CNTNAP2: variants seen among roughly 807,000 people sequenced by gnomAD.
The protein encoded by CNTNAP2 is contactin associated protein 2, also known as contactin-associated protein-like 2.
A neutral mutation model predicts 155.2 loss-of-function variants in CNTNAP2; 98 were observed. That is an observed-to-expected ratio of 0.63 (90% CI 0.54 to 0.75). CNTNAP2 has a LOEUF of 0.75. Among genes scored for constraint, CNTNAP2 ranks in the 30% least tolerant of loss-of-function variants. The pLI is 0.00. For missense variants in CNTNAP2, 1,727 were observed against 1,688.1 expected (o/e 1.02, Z -0.40); for synonymous variants, 651 against 631.2 (o/e 1.03, Z -0.47).
At chr7:147,676,966 C>T (rs936800005) in intron 13 of CNTNAP2, among the ~76,000 whole-genome samples, 9 of 151,818 alleles carry the variant, frequency 5.9e-5, no homozygotes, top group East Asian at 1.9e-4. Context: ...AATGCTGCAG[C>T]GAACGTGAGA....
chr7:146,331,610 C>T (rs1801189845), intron 1 of CNTNAP2, among the ~76,000 whole-genome samples: 1 of 152,102 alleles, frequency 6.6e-6, no homozygotes. Flanking sequence ...ATACTTTCTC[C>T]ATGGCTGCTG....
chr7:147,407,595 A>G (rs1401902164), intron 10 of CNTNAP2, among the ~76,000 whole-genome samples: 3 of 151,712 alleles, frequency 2.0e-5, no homozygotes, highest in Non-Finnish European at 4.4e-5. Context: ...CACTGGTACT[A>G]AACTACACAA....
intron 3 of CNTNAP2, among the ~76,000 whole-genome samples, chr7:146,882,173 G>C (rs543372558): frequency 1.3e-5 from 2 of 152,136 alleles, no homozygotes; most frequent in South Asian, 4.1e-4. Context: ...GTATTTTAGT[G>C]GTGTATATAA....
At chr7:146,266,288 T>C (rs886252479) in intron 1 of CNTNAP2, among the ~76,000 whole-genome samples, 1 of 152,206 alleles carries the variant, frequency 6.6e-6, no homozygotes, top group African/African-American at 2.4e-5. Context: ...TTTTTGACTT[T>C]GATCCTGAGT....
At chr7:146,488,618 T>C (rs990516077) in intron 1 of CNTNAP2, among the ~76,000 whole-genome samples, 3 of 152,050 alleles carry the variant, frequency 2.0e-5, no homozygotes, top group African/African-American at 7.2e-5. Flanking sequence ...TGTTTGTTTC[T>C]GTTTTTTGTT....
At chr7:146,249,675 A>G (rs1293772337) in intron 1 of CNTNAP2, among the ~76,000 whole-genome samples, 2 of 152,170 alleles carry the variant, frequency 1.3e-5, no homozygotes, top group Non-Finnish European at 2.9e-5. Context: ...TTATTTCCAC[A>G]TAAGTATTTG....
chr7:146,578,045 G>T (rs1292530339), intron 1 of CNTNAP2, among the ~76,000 whole-genome samples: 1 of 151,990 alleles, frequency 6.6e-6, no homozygotes, highest in Non-Finnish European at 1.5e-5. Flanking sequence ...AATTTTCTAT[G>T]CCTGGTTATT....
At chr7:147,590,091 T>C (rs142720546) in intron 12 of CNTNAP2, among the ~76,000 whole-genome samples, 221 of 152,344 alleles carry the variant, frequency 1.5e-3, no homozygotes, top group African/African-American at 4.9e-3. Context: ...TATAAAATAT[T>C]GTTCTTCTGC....
intron 15 of CNTNAP2, among the ~76,000 whole-genome samples, chr7:148,083,459 G>C (rs781136334): frequency 1.3e-5 from 2 of 152,148 alleles, no homozygotes; most frequent in Admixed American, 1.3e-4. Flanking sequence ...GAAGAATTAG[G>C]AGTCACAGGT....
chr7:146,816,122 T>C (rs921098785), intron 2 of CNTNAP2, among the ~76,000 whole-genome samples: 12 of 152,214 alleles, frequency 7.9e-5, no homozygotes, highest in African/African-American at 1.7e-4. Flanking sequence ...TAGTATTCCA[T>C]GGTGTATATG....
At chr7:146,841,529 A>C (rs549422564) in intron 3 of CNTNAP2, among the ~76,000 whole-genome samples, 1 of 152,098 alleles carries the variant, frequency 6.6e-6, no homozygotes, top group Non-Finnish European at 1.5e-5. Context: ...CTAAGATCAA[A>C]TGAGCATGTT....
chr7:148,295,272 G>A (rs1797259620), intron 21 of CNTNAP2, among the ~76,000 whole-genome samples: 2 of 152,066 alleles, frequency 1.3e-5, no homozygotes, highest in South Asian at 4.1e-4. Flanking sequence ...GTATTATTCT[G>A]ATATTATTTT....
intron 1 of CNTNAP2, among the ~76,000 whole-genome samples, chr7:146,669,992 A>C (rs1314145581): frequency 6.6e-6 from 1 of 152,144 alleles, no homozygotes; most frequent in South Asian, 2.1e-4. Flanking sequence ...ACATACATTA[A>C]TGTTTTGTTC....
chr7:146,590,211 C>G (rs1395303709), intron 1 of CNTNAP2, among the ~76,000 whole-genome samples: 1 of 152,142 alleles, frequency 6.6e-6, no homozygotes, highest in East Asian at 1.9e-4. Flanking sequence ...ACAAGGAATG[C>G]GGAATGCTTC....
chr7:147,207,130 G>A (rs930044047), intron 8 of CNTNAP2, among the ~76,000 whole-genome samples: 1 of 152,154 alleles, frequency 6.6e-6, no homozygotes, highest in African/African-American at 2.4e-5. Context: ...AGAATTTAAT[G>A]TGAAAAACTG....
intron 13 of CNTNAP2, among the ~76,000 whole-genome samples, chr7:147,686,526 C>T (rs970805450): frequency 4.6e-5 from 7 of 151,568 alleles, no homozygotes; most frequent in African/African-American, 1.7e-4. Flanking sequence ...TATTTAAATC[C>T]AGGGGTCCAA....
chr7:146,840,521 C>T (rs1179939634), intron 3 of CNTNAP2, among the ~76,000 whole-genome samples: 2 of 151,908 alleles, frequency 1.3e-5, no homozygotes, highest in Non-Finnish European at 2.9e-5. Flanking sequence ...AAGTGTTCTA[C>T]TTTGTTTAAT....
At chr7:147,291,565 C>A (rs1805313121) in intron 8 of CNTNAP2, among the ~76,000 whole-genome samples, 1 of 151,762 alleles carries the variant, frequency 6.6e-6, no homozygotes, top group Non-Finnish European at 1.5e-5. Flanking sequence ...GTGTTTATTT[C>A]CAATTTGCAA....
chr7:147,065,391 G>A (rs944308716), intron 4 of CNTNAP2, among the ~76,000 whole-genome samples: 2 of 152,182 alleles, frequency 1.3e-5, no homozygotes, highest in African/African-American at 4.8e-5. Flanking sequence ...AACTTTTGAT[G>A]TAAGTATGAG....
Sources: gnomAD v4.1 joint callset for allele counts (sites outside exome capture counted in the v4.1 genomes callset) on GRCh38, gnomAD v4.1.1 for gene constraint, MANE v1.5 for transcripts, NCBI Gene and HGNC (gene_info 2026-07-23, HGNC 2026-07-21) for gene names.